The following ADAM8 variants were observed in gnomAD, a reference collection of about 807,000 sequenced individuals.
ADAM8 encodes the protein ADAM metallopeptidase domain 8.
Under a neutral mutation model 102.4 loss-of-function variants are expected in ADAM8, and 104 were observed. The ratio of observed to expected loss-of-function variants is 1.02; its 90% CI spans 0.87 to 1.20. The LOEUF (loss-of-function observed/expected upper bound fraction) is 1.20. ADAM8 is among the 50% of genes most tolerant of loss of function. ADAM8 has a pLI of 0.00. For synonymous variants in ADAM8, 517 were observed against 485.2 expected, an observed-to-expected ratio of 1.07 and a Z score of -0.86; for missense variants, 1,132 against 1,159.0, an observed-to-expected ratio of 0.98 and a Z score of 0.34.
rs1846202648 is a variant in ADAM8 at position 133,262,836 on chromosome 10, T to A, written c.*320A>T. ...GTGTGGCTGGGAGGGGCTGTATATGTGGCCTCCTGAACACAGCGGGAGACC... is the reference window on the plus strand; with the variant it reads ...GTGTGGCTGGGAGGGGCTGTATATGAGGCCTCCTGAACACAGCGGGAGACC... On this transcript the variant is annotated 3_prime_UTR_variant, in exon 23 of 23. Transcript: ENST00000445355. 1 of 364,414 alleles carries A rather than the reference T, an allele frequency of 2.7e-6. No individual in the cohort carries two copies. The highest frequency in any genetic ancestry group is 5.1e-6 in the Non-Finnish European group (1 of 196,508). The allele number at this position is 364,414 out of a possible 1,614,324, so 22.6% of individuals were successfully genotyped here. A position where few individuals can be genotyped will look rare whatever the true frequency, so the allele number is the denominator to read the frequency against.
chr10:133,268,004 C>T lies in ADAM8; in HGVS notation c.2178G>A (p.Leu726=). 1 of 1,260,666 alleles carries T rather than the reference C, an allele frequency of 7.9e-7. No individual in the cohort carries two copies. The highest frequency in any genetic ancestry group is 1.0e-6 in the Non-Finnish European group (1 of 996,052). The allele number at this position is 1,260,666 out of a possible 1,614,324, so 78.1% of individuals were successfully genotyped here. A position where few individuals can be genotyped will look rare whatever the true frequency, so the allele number is the denominator to read the frequency against. Residue 726 remains leucine, a synonymous_variant, in exon 20 of 23, where the codon CTG becomes CTA. Transcript: ENST00000445355. ...GCTGGCCCGGGTGGGTGGTGGGGAC[C>T]AGCTCTTGGGGGCCCCTGGATGGGG... The part of the protein sequence containing the change: ...APAPSRGPQE[L]VPTTHPGQPA...
chr10:133,273,821 C>G lies in ADAM8; in HGVS notation c.324G>C (p.Gln108His). The G allele has an allele frequency of 6.5e-7, 1 of 1,549,350 alleles. No homozygotes were observed. Among genetic ancestry groups the G allele is most frequent in the Non-Finnish European group, 8.7e-7 (1 of 1,146,840 alleles). ...QPRGQDHCFY[Q>H]GHVEGYPDSA... is the part of the protein sequence containing the mutation. The stretch of plus-strand genomic sequence containing the variant: ...AGTCCGGGTACCCCTCTACGTGGCC[C>G]TGGTAGAAGCAGTGGTCCTGCGGGG... The change falls in exon 5 of 23, where the codon CAG becomes CAC. Residue 108 changes from glutamine to histidine, a missense_variant. Transcript: ENST00000445355.
chr10:133,268,963 G>A lies in ADAM8; in HGVS notation c.1949-101C>T. 19 of 1,512,032 alleles carry A rather than the reference G, an allele frequency of 1.3e-5. 2 individuals carry two copies. In the South Asian group the frequency reaches 2.3e-4, roughly 18 times the overall value. The allele number at this position is 1,512,032 out of a possible 1,614,324, so 93.7% of individuals were successfully genotyped here. A position where few individuals can be genotyped will look rare whatever the true frequency, so the allele number is the denominator to read the frequency against. ...CGGTCTTTCTCAGCACCCCCAGGCT[G>A]TGCCCTGTGGACCCCTCAGGGAGGA... On this transcript the variant is annotated intron_variant, in intron 18 of 22. Transcript: ENST00000445355.
chr10:133,263,708 C>A lies in ADAM8; in HGVS notation c.2377G>T (p.Ala793Ser). ...CTCACCTCAGCTGGACCAGGGTTGG[C>A]CGCACCAGCCCCGGGTTTGACTGGG... ...VPPVKPGAGAANPGPAEGAVG... is the reference protein window; with the variant it reads ...VPPVKPGAGASNPGPAEGAVG... Residue 793 changes from alanine to serine, a missense_variant, in exon 22 of 23, where the codon GCC (alanine) becomes TCC (serine). By Grantham distance (99) the Ala-to-Ser change is moderately conservative. Coordinates refer to ENST00000445355, the MANE Select transcript of ADAM8 (RefSeq NM_001109.5). 1 of 1,541,130 alleles carries A rather than the reference C, an allele frequency of 6.5e-7. No individual in the cohort carries two copies. The highest frequency in any genetic ancestry group is 2.5e-5 in the East Asian group (1 of 40,538).
chr10:133,272,919 C>G, intron 7 of ADAM8, 38 bp downstream of exon 7: 1 of 1,612,122 alleles, frequency 6.2e-7, no homozygotes, highest in Middle Eastern at 1.7e-4. Context: ...ATGCCCCCGC[C>G]GCCGGCTGCT....
chr10:133,274,015 G>C lies in ADAM8; in HGVS notation c.242C>G (p.Ser81Cys). ...AGCCGTATAGGTCTCTGTGTAGCCG[G>C]AGCCCAGCAGGTCCCTGGAAAAGAA... ...HLRKNRDLLG[S>C]GYTETYTAAN... The change falls in exon 4 of 23, where the codon TCC becomes TGC. Residue 81 changes from serine to cysteine, a missense_variant. Ser to Cys is a moderately radical substitution (Grantham distance 112, BLOSUM62 -1). Coordinates refer to ENST00000445355, the MANE Select transcript of ADAM8 (RefSeq NM_001109.5). 3 of 1,607,756 alleles carry C rather than the reference G, an allele frequency of 1.9e-6. No homozygotes were observed. Among genetic ancestry groups the C allele is most frequent in the South Asian group, 2.2e-5 (2 of 90,160 alleles).
chr10:133,270,534 G>C, intron 15 of ADAM8, 24 bp from the exon 16 acceptor site: 1 of 1,573,084 alleles, frequency 6.4e-7, no homozygotes, highest in Non-Finnish European at 8.7e-7. Context: ...GCAGGTCGTG[G>C]GCCAGCTTGC....
intron 12 of ADAM8, 119 bp from the exon 13 acceptor site, chr10:133,271,408 C>T: frequency 6.8e-7 from 1 of 1,473,656 alleles, no homozygotes; most frequent in Admixed American, 2.1e-5. Flanking sequence ...CCTGTGACCG[C>T]TCTGGACACC....
intron 22 of ADAM8, 50 bp downstream of exon 22, chr10:133,263,638 G>GTGCCACTGTCAGCCCCGTGGGGAGGCCC: frequency 1.4e-6 from 2 of 1,481,138 alleles, no homozygotes; most frequent in African/African-American, 1.4e-5. Context: ...TGGGGAGGCC[G>GTGCCACTGTCAGCCCCGTGGGGAGGCCC]TGCCGTCCAT....
rs1311942457 is a variant in ADAM8 at position 133,272,969 on chromosome 10, C to T, written c.624G>A (p.Val208=). The change falls in exon 7 of 23, where the codon GTG becomes GTA. Residue 208 remains valine (V), a synonymous_variant. Transcript: ENST00000445355. ...GCCCCCAACACACCTCTGCATTGTC[C>T]ACGACCACATACAGCTCCACGTAGC... ...ETRYVELYVV[V]DNAEFQMLGS... is the part of the protein sequence containing the mutation. 5 of 1,612,934 alleles carry T rather than the reference C, an allele frequency of 3.1e-6. No individual in the cohort carries two copies. Among genetic ancestry groups the T allele is most frequent in the South Asian group, 2.2e-5 (2 of 91,084 alleles).
At chr10:133,264,249 CG>C (rs1589799610) in intron 21 of ADAM8, among the ~76,000 whole-genome samples, 1 of 151,426 alleles carries the variant, frequency 6.6e-6, no homozygotes, top group South Asian at 2.1e-4. Flanking sequence ...TTTGTAGAGA[CG>C]GGGTCTCCCT....
intron 21 of ADAM8, among the ~76,000 whole-genome samples, chr10:133,264,357 G>A (rs1846258058): frequency 1.3e-5 from 2 of 152,170 alleles, no homozygotes; most frequent in Admixed American, 6.5e-5. Flanking sequence ...CAATGCGCCT[G>A]GCCTGAAGAG....
chr10:133,269,788 G>A (rs1052337042), intron 17 of ADAM8, 109 bp downstream of exon 17: 156 of 1,329,980 alleles, frequency 1.2e-4, no homozygotes, highest in East Asian at 9.8e-4. Flanking sequence ...GACAGGACAC[G>A]CCAGGCTCCC....
At chr10:133,274,327 A>C in intron 2 of ADAM8, 92 bp from the exon 3 acceptor site, 1 of 1,051,778 alleles carries the variant, frequency 9.5e-7, no homozygotes, top group South Asian at 1.7e-5. Flanking sequence ...CTGGGGGGGA[A>C]GGGGTGCCGG....
Position 133,269,425 on chromosome 10 carries a change from C to T in ADAM8, c.1948+20G>A, listed in dbSNP as rs572719084. 6.5e-6 allele frequency: 10 copies of T among 1,537,202 alleles called. No homozygotes were observed. Among genetic ancestry groups the T allele is most frequent in the African/African-American group, 4.1e-5 (3 of 73,518 alleles). ...TGAGCTTGGACCCCAGCCCCACCTGCGCTGGCCAGGGAGGCCTACCTGCGT... is the reference window on the plus strand; with the variant it reads ...TGAGCTTGGACCCCAGCCCCACCTGTGCTGGCCAGGGAGGCCTACCTGCGT... On this transcript the variant is annotated intron_variant, in intron 18 of 22. Transcript: ENST00000445355.
At chr10:133,269,864 T>C in intron 17 of ADAM8, 33 bp downstream of exon 17, 2 of 1,609,206 alleles carry the variant, frequency 1.2e-6, no homozygotes, top group Non-Finnish European at 1.7e-6. Flanking sequence ...GCAGCCTCTG[T>C]GCAGGGGCCC....
rs1280023068 is a variant in ADAM8 at position 133,272,273 on chromosome 10, C to A, written c.877G>T (p.Gly293Cys). The A allele has an allele frequency of 3.3e-6, 5 of 1,530,794 alleles. No homozygotes were observed. In the African/African-American group the frequency reaches 5.5e-5, roughly 17 times the overall value. 94.8% of individuals were successfully genotyped at this position (1,530,794 alleles called of 1,614,324 possible). ...ACGGTAGTCCCGGTGAAGTCGACAC[C>A]CCTGGAAGTGGGAGTGACACAGATG... The part of the protein sequence containing the change: ...HLHDNVQLIT[G>C]VDFTGTTVGF... The change falls in exon 10 of 23, where the codon GGT becomes TGT. Residue 293 changes from glycine (G) to cysteine (C), a missense_variant and splice_region_variant. Physicochemically the swap from Gly to Cys is radical, Grantham distance 159. Coordinates refer to ENST00000445355, the MANE Select transcript of ADAM8 (RefSeq NM_001109.5).
chr10:133,274,277 G>T, intron 2 of ADAM8, 42 bp from the exon 3 acceptor site: 1 of 1,497,508 alleles, frequency 6.7e-7, no homozygotes, highest in South Asian at 1.3e-5. Context: ...AGCCTGCCCG[G>T]GCTGTGCCCA....
chr10:133,263,945 C>T lies in ADAM8; in HGVS notation c.2320-180G>A, dbSNP rs200252511. 4.8e-4 allele frequency: 243 copies of T among 506,474 alleles called. 2 individuals are homozygous for T. The highest frequency in any genetic ancestry group is 4.0e-3 in the East Asian group (115 of 28,712). 31.4% of individuals were successfully genotyped at this position (506,474 alleles called of 1,614,324 possible). A position where few individuals can be genotyped will look rare whatever the true frequency, so the allele number is the denominator to read the frequency against. Reference sequence around the variant, plus strand: ...GAAAAGCCCTCCTGGCTGCCACTGCCCAGGAATAAAGCCCATCAGTGGCAG... The same window carrying T: ...GAAAAGCCCTCCTGGCTGCCACTGCTCAGGAATAAAGCCCATCAGTGGCAG... On this transcript the variant is annotated intron_variant, in intron 21 of 22. Transcript: ENST00000445355.
Sources: allele counts gnomAD v4.1 joint callset (sites outside exome capture counted in the v4.1 genomes callset), GRCh38; gene constraint gnomAD v4.1.1; transcripts MANE v1.5; gene names NCBI Gene and HGNC (gene_info 2026-07-23, HGNC 2026-07-21).